KCNB2: variants seen among roughly 807,000 people sequenced by gnomAD.
KCNB2 encodes the protein delayed rectifier potassium channel protein.
A neutral mutation model predicts 61.5 loss-of-function variants in KCNB2; 15 were observed. That is an observed-to-expected ratio of 0.24 (90% CI 0.16 to 0.38). The LOEUF is 0.38. Among genes scored for constraint, KCNB2 ranks in the 10% least tolerant of loss-of-function variants. The pLI, the probability that KCNB2 is intolerant of heterozygous loss-of-function variation, is 1.00. For missense variants in KCNB2, 828 were observed against 1,125.2 expected (o/e 0.74, Z 3.78); for synonymous variants, 457 against 446.0 (o/e 1.02, Z -0.31).
chr8:72,765,116 C>A (rs912488490), intron 2 of KCNB2, among the ~76,000 whole-genome samples: 1 of 152,146 alleles, frequency 6.6e-6, no homozygotes, highest in Admixed American at 6.5e-5. Context: ...ATCCCAGTTG[C>A]CTGAACTACA....
At chr8:72,583,307 A>G (rs998086311) in intron 2 of KCNB2, among the ~76,000 whole-genome samples, 1 of 152,172 alleles carries the variant, frequency 6.6e-6, no homozygotes, top group Admixed American at 6.5e-5. Context: ...TATTTTGTGC[A>G]TTAGAAATCT....
intron 1 of KCNB2, among the ~76,000 whole-genome samples, chr8:72,549,529 G>A (rs768227175): frequency 6.6e-6 from 1 of 152,096 alleles, no homozygotes; most frequent in Non-Finnish European, 1.5e-5. Flanking sequence ...TAGATGAGGG[G>A]GCTGGGAGTA....
intron 2 of KCNB2, among the ~76,000 whole-genome samples, chr8:72,822,969 C>G (rs1809535869): frequency 6.6e-6 from 1 of 152,002 alleles, no homozygotes; most frequent in Non-Finnish European, 1.5e-5. Context: ...CCCACCCAAC[C>G]CCAGCAGCTC....
At chr8:72,702,246 C>T (rs531033554) in intron 2 of KCNB2, among the ~76,000 whole-genome samples, 7 of 152,236 alleles carry the variant, frequency 4.6e-5, no homozygotes, top group Admixed American at 4.6e-4. Flanking sequence ...TGGAGGAACT[C>T]GCTCAGCATT....
chr8:72,609,446 G>GA (rs777957425), intron 2 of KCNB2, among the ~76,000 whole-genome samples: 3 of 152,114 alleles, frequency 2.0e-5, no homozygotes, highest in East Asian at 1.9e-4. Context: ...CATAGAAGAA[G>GA]AAAAAAATGT....
intron 2 of KCNB2, among the ~76,000 whole-genome samples, chr8:72,915,840 A>G (rs1051698719): frequency 1.3e-5 from 2 of 152,082 alleles, no homozygotes; most frequent in African/African-American, 4.8e-5. Flanking sequence ...AATGGCATGA[A>G]CCCGGGAGGC....
chr8:72,693,421 T>C (rs1335670612), intron 2 of KCNB2, among the ~76,000 whole-genome samples: 1 of 152,186 alleles, frequency 6.6e-6, no homozygotes, highest in Non-Finnish European at 1.5e-5. Flanking sequence ...CTTCCTGTGC[T>C]CTTGTACAAG....
At chr8:72,835,992 G>A (rs1000767621) in intron 2 of KCNB2, among the ~76,000 whole-genome samples, 39 of 151,982 alleles carry the variant, frequency 2.6e-4, no homozygotes, top group Admixed American at 1.3e-3. Context: ...TTAACATTTC[G>A]TCCTTTACTA....
chr8:72,812,967 G>T (rs1001344076), intron 2 of KCNB2, among the ~76,000 whole-genome samples: 2 of 152,120 alleles, frequency 1.3e-5, no homozygotes, highest in African/African-American at 4.8e-5. Context: ...GGAACTAGAT[G>T]CTCTTTAACT....
At chr8:72,742,218 T>G (rs1563576813) in intron 2 of KCNB2, among the ~76,000 whole-genome samples, 1 of 152,350 alleles carries the variant, frequency 6.6e-6, no homozygotes, top group Non-Finnish European at 1.5e-5. Flanking sequence ...AAAACTGTAT[T>G]TGTTCACCAT....
chr8:72,791,187 T>C (rs965423226), intron 2 of KCNB2, among the ~76,000 whole-genome samples: 2 of 152,098 alleles, frequency 1.3e-5, no homozygotes, highest in African/African-American at 2.4e-5. Context: ...TCTACAGTTC[T>C]AAGAAACAGG....
rs192976854 is a variant in KCNB2 at position 72,910,197 on chromosome 8, C to A, written c.580-25738C>A. Among the ~76,000 whole-genome samples, 395 of 152,284 alleles carry A rather than the reference C, an allele frequency of 2.6e-3. 2 individuals are homozygous for A. The highest frequency in any genetic ancestry group is 8.5e-3 in the African/African-American group (354 of 41,566). ...AATCTGTTAATAATGTTACCTACTT[C>A]ATAGGCTATTGAGAGAAATAAATGA... is the stretch of plus-strand genomic sequence containing the variant. On this transcript the variant is annotated intron_variant, in intron 2 of 2. Coordinates refer to ENST00000523207, the MANE Select transcript of KCNB2 (RefSeq NM_004770.3).
At chr8:72,799,494 T>C (rs975996430) in intron 2 of KCNB2, among the ~76,000 whole-genome samples, 1 of 152,146 alleles carries the variant, frequency 6.6e-6, no homozygotes, top group African/African-American at 2.4e-5. Context: ...TAAACAAAAA[T>C]AATTTACATT....
At chr8:72,791,315 C>T (rs1181767963) in intron 2 of KCNB2, among the ~76,000 whole-genome samples, 1 of 152,038 alleles carries the variant, frequency 6.6e-6, no homozygotes, top group South Asian at 2.1e-4. Context: ...TTTGCGGGAC[C>T]AAGTTAGGTG....
chr8:72,674,196 C>T (rs977650468), intron 2 of KCNB2, among the ~76,000 whole-genome samples: 35 of 152,148 alleles, frequency 2.3e-4, no homozygotes, highest in African/African-American at 8.4e-4. Flanking sequence ...AGTTAATTAA[C>T]CTATTATTAC....
intron 2 of KCNB2, among the ~76,000 whole-genome samples, chr8:72,758,685 CG>C (rs1322878235): frequency 1.3e-5 from 2 of 152,134 alleles, no homozygotes; most frequent in Non-Finnish European, 2.9e-5. Flanking sequence ...CATTGTTGAA[CG>C]GTTATCAGGC....
At chr8:72,702,209 A>G (rs548827455) in intron 2 of KCNB2, among the ~76,000 whole-genome samples, 3 of 152,158 alleles carry the variant, frequency 2.0e-5, no homozygotes, top group Non-Finnish European at 4.4e-5. Context: ...CCTGGGTTCA[A>G]ATTCTGTGCC....
chr8:72,843,399 G>A (rs554376425), intron 2 of KCNB2, among the ~76,000 whole-genome samples: 44 of 152,268 alleles, frequency 2.9e-4, no homozygotes, highest in African/African-American at 1.0e-3. Flanking sequence ...GTGCTGAGAA[G>A]AATGTATATT....
At position 72,937,366 on chromosome 8, in the gene KCNB2, C is replaced by G. The variant is rs779658119; in HGVS notation, c.2011C>G (p.Pro671Ala). The change falls in exon 3 of 3, where the codon CCA becomes GCA. Residue 671 changes from proline (P) to alanine (A), a missense_variant. This residue lies in a region of KCNB2 where 559 missense variants were observed against 588.4 expected (regional missense o/e 0.95). Transcript: ENST00000523207. ...CAGGGATGGCACGCTGGAGTATGCCCCAGTTGACATAACTGTGAACCTCGA... is the reference window on the plus strand; with the variant it reads ...CAGGGATGGCACGCTGGAGTATGCCGCAGTTGACATAACTGTGAACCTCGA... ...AARDGTLEYA[P>A]VDITVNLDAS... 6.2e-7 allele frequency: 1 copy of G among 1,614,036 alleles called. No homozygotes were observed. The highest frequency in any genetic ancestry group is 8.5e-7 in the Non-Finnish European group (1 of 1,180,006).
Sources: gnomAD v4.1 joint callset for allele counts (sites outside exome capture counted in the v4.1 genomes callset) on GRCh38, gnomAD v4.1.1 for gene constraint, gnomAD v4.1.1 regional missense constraint, MANE v1.5 for transcripts, NCBI Gene and HGNC (gene_info 2026-07-23, HGNC 2026-07-21) for gene names.